SKI: variants seen among roughly 807,000 people sequenced by gnomAD.
SKI encodes SKI proto-oncogene.
In SKI, 23 loss-of-function variants were observed where a neutral mutation model predicts 59.3. The observed-to-expected ratio is 0.39, with a 90% CI of 0.28 to 0.55. The LOEUF is 0.55. Among genes scored for constraint, SKI ranks in the 20% least tolerant of loss-of-function variants. The probability of loss-of-function intolerance (pLI) is 0.67; values close to 1 mark genes in which losing one functional copy is unlikely to be tolerated. For missense variants in SKI, 1,017 were observed against 1,038.9 expected, an observed-to-expected ratio of 0.98 and a Z score of 0.29; for synonymous variants, 673 against 488.6, an observed-to-expected ratio of 1.38 and a Z score of -4.98.
rs1639566441 is a variant in SKI at position 2,269,328 on chromosome 1, G to C, written c.970-33650G>C. ...CTGGGCAGAGCCAGAGAGTGACTAA[G>C]GGGCTGTTAGGACAGAGACAGTGGG... On this transcript the variant is annotated intron_variant, in intron 1 of 6. Coordinates refer to ENST00000378536, the MANE Select transcript of SKI (RefSeq NM_003036.4). The surrounding 1 kb of genome is among the most constrained non-coding windows in gnomAD (Gnocchi z 4.7). 6.6e-6 allele frequency among the ~76,000 whole-genome samples: 1 copy of C among 152,216 alleles called. No individual in the cohort carries two copies. Among genetic ancestry groups the C allele is most frequent in the South Asian group, 2.1e-4 (1 of 4,832 alleles).
At chr1:2,238,501 G>A (rs1692583) in intron 1 of SKI, among the ~76,000 whole-genome samples, 2 of 152,234 alleles carry the variant, frequency 1.3e-5, no homozygotes, top group East Asian at 1.9e-4. Flanking sequence ...GAGGATGGGG[G>A]CCGGGCACTC....
At chr1:2,244,207 G>A (rs1418897982) in intron 1 of SKI, among the ~76,000 whole-genome samples, 1 of 151,956 alleles carries the variant, frequency 6.6e-6, no homozygotes, top group Admixed American at 6.6e-5. Context: ...CTCGTGATCC[G>A]CCTGCCTCGG....
intron 1 of SKI, among the ~76,000 whole-genome samples, chr1:2,288,066 C>G (rs1395260377): frequency 2.0e-5 from 3 of 152,020 alleles, no homozygotes; most frequent in African/African-American, 7.2e-5. Context: ...TCGGCTCACC[C>G]CAACCTCCAC....
At chr1:2,240,916 G>A (rs575844296) in intron 1 of SKI, 296 of 551,280 alleles carry the variant, frequency 5.4e-4, no homozygotes, top group Non-Finnish European at 6.2e-4. Context: ...CCTCAGCTGT[G>A]TTCAGCCCCT....
At chr1:2,298,027 G>C (rs1272680731) in intron 1 of SKI, among the ~76,000 whole-genome samples, 1 of 152,196 alleles carries the variant, frequency 6.6e-6, no homozygotes, top group African/African-American at 2.4e-5. Flanking sequence ...TTGACACCGG[G>C]TGGTCATGGG....
intron 1 of SKI, among the ~76,000 whole-genome samples, chr1:2,301,714 C>T (rs1046925503): frequency 1.3e-5 from 2 of 152,260 alleles, no homozygotes; most frequent in Non-Finnish European, 2.9e-5. Flanking sequence ...GAAGAGCCCC[C>T]GGCCCTGAGT....
Position 2,268,355 on chromosome 1 carries a change from G to A in SKI, c.970-34623G>A, listed in dbSNP as rs1029147001. On this transcript the variant is annotated intron_variant, in intron 1 of 6. Coordinates refer to ENST00000378536, the MANE Select transcript of SKI (RefSeq NM_003036.4). This position sits in a 1 kb window ranked among gnomAD's most constrained non-coding sequence, Gnocchi z 5.0. ...GGCTGAACCCTGCACCCTGGCCCGG[G>A]TGTGGGGTCCTGGTGCTCTGTGGCC... Among the ~76,000 whole-genome samples the A allele has an allele frequency of 6.6e-6, 1 of 152,200 alleles. No individual in the cohort carries two copies. The highest frequency in any genetic ancestry group is 2.4e-5 in the African/African-American group (1 of 41,452).
At chr1:2,291,963 G>A (rs947665479) in intron 1 of SKI, among the ~76,000 whole-genome samples, 1 of 152,226 alleles carries the variant, frequency 6.6e-6, no homozygotes, top group Non-Finnish European at 1.5e-5. Flanking sequence ...CAGAAAATAG[G>A]TTAATTTAAG....
intron 1 of SKI, among the ~76,000 whole-genome samples, chr1:2,275,596 C>T (rs991367058): frequency 6.6e-6 from 1 of 152,152 alleles, no homozygotes; most frequent in African/African-American, 2.4e-5. Context: ...TCACTGCAAG[C>T]TCCGCTCCCG....
rs182429259 is a variant in SKI, at chr1:2,234,381, G to A, written c.969+4646G>A. On this transcript the variant is annotated intron_variant, in intron 1 of 6. Transcript: ENST00000378536. The stretch of plus-strand genomic sequence containing the variant: ...GTCCCTCGCCTTCTGGGGCAGCAGG[G>A]TCACGGTGGGGGGGCTAGTCCTCTC... 7.9e-5 allele frequency among the ~76,000 whole-genome samples: 12 copies of A among 152,326 alleles called. No individual in the cohort carries two copies. In the South Asian group the frequency reaches 8.3e-4, roughly 11 times the overall value.
chr1:2,280,541 C>A (rs77543716), intron 1 of SKI, among the ~76,000 whole-genome samples: 24 of 152,286 alleles, frequency 1.6e-4, no homozygotes, highest in African/African-American at 5.5e-4. Context: ...ACCCGCCACA[C>A]ACCTTTTAAA....
chr1:2,267,366 A>T lies in SKI; in HGVS notation c.970-35612A>T, dbSNP rs944872544. On this transcript the variant is annotated intron_variant, in intron 1 of 6. Coordinates refer to ENST00000378536, the MANE Select transcript of SKI (RefSeq NM_003036.4). This position sits in a 1 kb window ranked among gnomAD's most constrained non-coding sequence, Gnocchi z 4.1. ...TTTGTGGGCATTTCCAGGTAGTCTG[A>T]TCCTGTGAGGAGCAAGGAAGGGGTG... is the stretch of plus-strand genomic sequence containing the variant. 1.3e-5 allele frequency among the ~76,000 whole-genome samples: 2 copies of T among 152,136 alleles called. No individual in the cohort carries two copies. Among genetic ancestry groups the T allele is most frequent in the Admixed American group, 1.3e-4 (2 of 15,280 alleles).
chr1:2,289,978 A>G (rs1366188796), intron 1 of SKI, among the ~76,000 whole-genome samples: 1 of 152,088 alleles, frequency 6.6e-6, no homozygotes, highest in Non-Finnish European at 1.5e-5. Flanking sequence ...TGCCACCTCC[A>G]CAGCCCCCTC....
chr1:2,289,863 G>A (rs1048040142), intron 1 of SKI, among the ~76,000 whole-genome samples: 1 of 152,070 alleles, frequency 6.6e-6, no homozygotes, highest in Admixed American at 6.5e-5. Context: ...TGGCTGGGCT[G>A]ACTGGGCAGA....
intron 1 of SKI, among the ~76,000 whole-genome samples, chr1:2,264,013 TAAA>T (rs34137908): frequency 1.3e-5 from 2 of 149,234 alleles, no homozygotes. Context: ...CTGTTTCTAT[TAAA>T]AAAAAAAAAG....
chr1:2,280,477 A>C (rs1014443203), intron 1 of SKI, among the ~76,000 whole-genome samples: 2 of 152,142 alleles, frequency 1.3e-5, no homozygotes. Flanking sequence ...GTGACCGGAC[A>C]TTAAAATACC....
In SKI at chr1:2,309,325, A is replaced by T. The variant is rs1463880465; in HGVS notation, c.*2560A>T. On this transcript the variant is annotated 3_prime_UTR_variant, in exon 7 of 7. Coordinates refer to ENST00000378536, the MANE Select transcript of SKI (RefSeq NM_003036.4). ...TCAGTTTAATTCTCATTATATTTCT[A>T]TACTGAAAGAAGATTTTTAACGAAG... The T allele has an allele frequency of 6.6e-6, 1 of 152,140 alleles. No individual in the cohort carries two copies. Among genetic ancestry groups the T allele is most frequent in the East Asian group, 1.9e-4 (1 of 5,198 alleles). 9.4% of individuals were successfully genotyped at this position (152,140 alleles called of 1,614,324 possible).
chr1:2,261,552 G>A (rs1345316374), intron 1 of SKI, among the ~76,000 whole-genome samples: 3 of 152,158 alleles, frequency 2.0e-5, no homozygotes, highest in Non-Finnish European at 4.4e-5. Flanking sequence ...TTCGATTACT[G>A]GATATAAACG....
Position 2,304,113 on chromosome 1 carries a change from G to A in SKI, c.1474+11G>A, listed in dbSNP as rs1569860813. 6.2e-7 allele frequency: 1 copy of A among 1,611,922 alleles called. No individual in the cohort carries two copies. ...AAAGCAGGGAGGAATGTACGTGTGAGTCGCTTTCTGTGCCTCCTCCCTGTG... is the reference window on the plus strand; with the variant it reads ...AAAGCAGGGAGGAATGTACGTGTGAATCGCTTTCTGTGCCTCCTCCCTGTG... On this transcript the variant is annotated intron_variant, in intron 4 of 6. Transcript: ENST00000378536.
Sources: allele counts gnomAD v4.1 joint callset (sites outside exome capture counted in the v4.1 genomes callset), GRCh38; gene constraint gnomAD v4.1.1; non-coding constraint Gnocchi (gnomAD v3.1); transcripts MANE v1.5; gene names NCBI Gene and HGNC (gene_info 2026-07-23, HGNC 2026-07-21).